Variants in SLC28A1 observed in about 807,000 individuals in gnomAD.
SLC28A1 encodes the protein solute carrier family 28 member 1.
Under a neutral mutation model 74.8 loss-of-function variants are expected in SLC28A1, and 64 were observed. That is an observed-to-expected ratio of 0.86 (90% CI 0.70 to 1.05). SLC28A1 has a LOEUF of 1.05. SLC28A1 is among the 50% of genes least tolerant of loss of function. The probability of loss-of-function intolerance (pLI) is 0.00; values close to 1 mark genes in which losing one functional copy is unlikely to be tolerated. For missense variants in SLC28A1, 828 were observed against 822.8 expected (o/e 1.01, Z -0.08); for synonymous variants, 359 against 335.0 (o/e 1.07, Z -0.78).
chr15:84,956,631 T>C, the SLC28A1 span, among the ~76,000 whole-genome samples: 1 of 150,414 alleles, frequency 6.6e-6, no homozygotes, highest in Admixed American at 6.6e-5. Flanking sequence ...TAGCTGGGAC[T>C]ACAGGCGCAC....
intron 8 of SLC28A1, among the ~76,000 whole-genome samples, chr15:84,908,178 C>CTTTTTTTTTTTTTTTTTTT (rs71135328): frequency 1.1e-5 from 1 of 91,358 alleles, no homozygotes; most frequent in African/African-American, 4.8e-5. Context: ...CAGAGCATTT[C>CTTTTTTTTTTTTTTTTTTT]TTTTTTTTTT....
intron 5 of SLC28A1, among the ~76,000 whole-genome samples, chr15:84,891,054 A>T (rs988615427): frequency 6.6e-6 from 1 of 152,154 alleles, no homozygotes; most frequent in Non-Finnish European, 1.5e-5. Flanking sequence ...AGGGCCCAGG[A>T]TGGGGAGTGG....
At chr15:84,888,085 T>G (rs561364895) in intron 3 of SLC28A1, among the ~76,000 whole-genome samples, 2 of 152,276 alleles carry the variant, frequency 1.3e-5, no homozygotes, top group African/African-American at 4.8e-5. Flanking sequence ...ACGTACTGTG[T>G]GCACTATAGT....
chr15:84,949,662 C>G (rs2079351817), downstream of SLC28A1, among the ~76,000 whole-genome samples: 1 of 150,042 alleles, frequency 6.7e-6, no homozygotes, highest in African/African-American at 2.5e-5. Flanking sequence ...TCACCCATCT[C>G]TGCCTCCCAA....
the SLC28A1 span, among the ~76,000 whole-genome samples, chr15:84,962,500 T>C: frequency 6.6e-6 from 1 of 152,114 alleles, no homozygotes; most frequent in African/African-American, 2.4e-5. Context: ...TATGGTGACA[T>C]GATCAGGGCT....
At position 84,908,648 on chromosome 15, in the gene SLC28A1, C is replaced by T. The variant is rs150261599; in HGVS notation, c.718-70C>T. On this transcript the variant is annotated intron_variant, in intron 8 of 18. Coordinates refer to ENST00000394573, the MANE Select transcript of SLC28A1 (RefSeq NM_004213.5). ...CCTGGGCCAACCCGCCTGTCTCTGG[C>T]CGCTGCTTCCTCCCTCCTCCCTTCC... The T allele has an allele frequency of 5.1e-4, 685 of 1,344,756 alleles. 6 individuals are homozygous for T. In the East Asian group the frequency reaches 0.015, roughly 30 times the overall value. The allele number at this position is 1,344,756 out of a possible 1,614,324, so 83.3% of individuals were successfully genotyped here.
At chr15:84,923,739 G>A (rs976734797) in intron 11 of SLC28A1, among the ~76,000 whole-genome samples, 1 of 152,144 alleles carries the variant, frequency 6.6e-6, no homozygotes, top group East Asian at 1.9e-4. Context: ...TTAGCGGGGT[G>A]CCTGGCACGT....
Position 84,905,624 on chromosome 15 carries a change from C to T in SLC28A1, c.689C>T (p.Ala230Val), listed in dbSNP as rs17215934. 3.9e-4 allele frequency: 636 copies of T among 1,613,758 alleles called. 11 individuals carry two copies. The East Asian group carries it at 0.01, about 26-fold the overall frequency. Residue 230 changes from alanine to valine, a missense_variant, in exon 8 of 19, where the codon GCG becomes GTG. Transcript: ENST00000394573. Reference sequence around the variant, plus strand: ...ATCAGAACAGAACCAGGATTCATTGCGTTCGAGTGGCTGGGCGAGCAGATC... The same window carrying T: ...ATCAGAACAGAACCAGGATTCATTGTGTTCGAGTGGCTGGGCGAGCAGATC... ...LVIRTEPGFI[A>V]FEWLGEQIRI... is the part of the protein sequence containing the mutation.
rs559144648 is a variant in SLC28A1 at position 84,924,223 on chromosome 15, G to T, written c.1083+113G>T. ...CCCTCAGATCTTCTCTCTTGGGCCTGCTGTGCTGGCAAGAGGAGTGGCTTC... is the reference window on the plus strand; with the variant it reads ...CCCTCAGATCTTCTCTCTTGGGCCTTCTGTGCTGGCAAGAGGAGTGGCTTC... On this transcript the variant is annotated intron_variant, in intron 12 of 18. Transcript: ENST00000394573. The T allele has an allele frequency of 2.0e-4, 264 of 1,293,542 alleles. 1 individual carries two copies. The African/African-American group carries it at 3.5e-3, about 17-fold the overall frequency. The allele number at this position is 1,293,542 out of a possible 1,614,324, so 80.1% of individuals were successfully genotyped here.
chr15:84,903,122 T>C (rs4842999), intron 6 of SLC28A1, among the ~76,000 whole-genome samples: 92,469 of 152,184 alleles, frequency 0.61, 28,934 homozygotes, highest in East Asian at 0.88. Context: ...AGATTGTGCA[T>C]GTTGAACTGG....
At chr15:84,919,538 G>T (rs1969549117) in intron 10 of SLC28A1, among the ~76,000 whole-genome samples, 1 of 152,182 alleles carries the variant, frequency 6.6e-6, no homozygotes. Context: ...CAAGAGCATG[G>T]CACTGACATC....
At chr15:84,948,704 G>T (rs1375130209), downstream of SLC28A1, among the ~76,000 whole-genome samples, 1 of 152,068 alleles carries the variant, frequency 6.6e-6, no homozygotes, top group Non-Finnish European at 1.5e-5. Flanking sequence ...TAATTGAGAA[G>T]GTTCCTCTTT....
the SLC28A1 span, among the ~76,000 whole-genome samples, chr15:84,958,382 T>C: frequency 1.3e-5 from 2 of 152,214 alleles, no homozygotes; most frequent in African/African-American, 2.4e-5. Flanking sequence ...TTTCTCTTTC[T>C]TGGGTTATTC....
intron 9 of SLC28A1, among the ~76,000 whole-genome samples, chr15:84,912,685 A>G (rs1202655211): frequency 6.6e-6 from 1 of 152,100 alleles, no homozygotes; most frequent in East Asian, 1.9e-4. Flanking sequence ...AGTGCTGCTC[A>G]GATTTTCTCT....
At chr15:84,908,570 G>T in intron 8 of SLC28A1, 148 bp from the exon 9 acceptor site, 1 of 705,710 alleles carries the variant, frequency 1.4e-6, no homozygotes, top group Middle Eastern at 2.5e-4. Context: ...CAGCTTTAAC[G>T]CACCTTGCCA....
rs777755417 is a variant in SLC28A1, at chr15:84,923,973, T to C, written c.958-12T>C. 2 of 1,613,962 alleles carry C rather than the reference T, an allele frequency of 1.2e-6. No homozygotes were observed. The highest frequency in any genetic ancestry group is 1.7e-6 in the Non-Finnish European group (2 of 1,179,980). On this transcript the variant is annotated splice_polypyrimidine_tract_variant and intron_variant, in intron 11 of 18. Transcript: ENST00000394573. Reference sequence around the variant, plus strand: ...CCCCACCCTGCTTGTCTGACATCTTTCCTGTTTGCAGACCGAGGCTCCATT... The same window carrying C: ...CCCCACCCTGCTTGTCTGACATCTTCCCTGTTTGCAGACCGAGGCTCCATT...
Position 84,943,427 on chromosome 15 carries a change from C to T in SLC28A1, c.1582-18C>T. ...CATCTGAGGGGAGCCCCTCCTCATGCATCTTCTGTATTTTCAGGTCAGAGC... is the reference window on the plus strand; with the variant it reads ...CATCTGAGGGGAGCCCCTCCTCATGTATCTTCTGTATTTTCAGGTCAGAGC... On this transcript the variant is annotated intron_variant, in intron 15 of 18. Coordinates refer to ENST00000394573, the MANE Select transcript of SLC28A1 (RefSeq NM_004213.5). 4 of 1,603,714 alleles carry T rather than the reference C, an allele frequency of 2.5e-6. No homozygotes were observed. The South Asian group carries it at 3.3e-5, about 13-fold the overall frequency.
At chr15:84,907,972 C>T (rs1444713160) in intron 8 of SLC28A1, among the ~76,000 whole-genome samples, 1 of 152,142 alleles carries the variant, frequency 6.6e-6, no homozygotes, top group Non-Finnish European at 1.5e-5. Flanking sequence ...ATTGCAAGTT[C>T]AGGATATAAC....
At chr15:84,939,937 G>C (rs1361958275) in intron 15 of SLC28A1, among the ~76,000 whole-genome samples, 10 of 152,084 alleles carry the variant, frequency 6.6e-5, no homozygotes, top group Non-Finnish European at 1.0e-4. Flanking sequence ...TGATCCTCCT[G>C]CCTCAGCCCC....
Sources: gnomAD v4.1 joint callset for allele counts (sites outside exome capture counted in the v4.1 genomes callset) on GRCh38, gnomAD v4.1.1 for gene constraint, MANE v1.5 for transcripts, NCBI Gene and HGNC (gene_info 2026-07-23, HGNC 2026-07-21) for gene names.